PTPRF: variants seen among roughly 807,000 people sequenced by gnomAD.
PTPRF encodes receptor-type tyrosine-protein phosphatase F.
Under a neutral mutation model 201.8 loss-of-function variants are expected in PTPRF, and 59 were observed. That is an observed-to-expected ratio of 0.29 (90% CI 0.24 to 0.36). The LOEUF (loss-of-function observed/expected upper bound fraction) is 0.36. Ranked by LOEUF, PTPRF falls within the 10% of genes least tolerant of loss-of-function variation. The pLI is 1.00. For missense variants in PTPRF, 2,132 were observed against 2,690.5 expected (o/e 0.79, Z 4.59); for synonymous variants, 1,088 against 1,089.7 (o/e 1.00, Z 0.03).
At chr1:43,609,653 C>T (rs775545028) in intron 22 of PTPRF, among the ~76,000 whole-genome samples, 155 bp downstream of exon 22, 7 of 152,220 alleles carry the variant, frequency 4.6e-5, no homozygotes, top group Non-Finnish European at 7.3e-5. Context: ...TGTGCTCATC[C>T]ACTTTGGTTG....
At position 43,604,912 on chromosome 1, in the gene PTPRF, A is replaced by G. The variant is rs373189867; in HGVS notation, c.3047A>G (p.Lys1016Arg). ...RTMPVEQVFA[K>R]NFRVAAAMKT... ...CTCTATGCCTTTGCAGTGTTTGCCA[A>G]GAACTTCCGGGTGGCGGCTGCAATG... The change falls in exon 17 of 34, where the codon AAG becomes AGG. Residue 1016 changes from lysine to arginine, a missense_variant. Lys to Arg is a conservative substitution (Grantham distance 26). Transcript: ENST00000359947. 27 of 1,613,930 alleles carry G rather than the reference A, an allele frequency of 1.7e-5. No individual in the cohort carries two copies. Among genetic ancestry groups the G allele is most frequent in the Admixed American group, 5.0e-5 (3 of 60,012 alleles).
intron 5 of PTPRF, among the ~76,000 whole-genome samples, chr1:43,566,867 C>G (rs960362208): frequency 6.6e-6 from 1 of 152,172 alleles, no homozygotes; most frequent in Non-Finnish European, 1.5e-5. Context: ...GTTTTAGGCT[C>G]TGGCGGCAGT....
At chr1:43,620,429 T>TG in intron 30 of PTPRF, 25 bp from the exon 31 acceptor site, 1 of 1,597,702 alleles carries the variant, frequency 6.3e-7, no homozygotes, top group Non-Finnish European at 8.6e-7. Context: ...CACCTGATTA[T>TG]GGGGGCCCGA....
intron 7 of PTPRF, chr1:43,582,548 C>T (rs1254375049): frequency 1.4e-5 from 2 of 145,306 alleles, no homozygotes; most frequent in African/African-American, 5.3e-5. Flanking sequence ...GACTACCAGC[C>T]TTCCCCCTTT....
At chr1:43,618,448 T>C (rs1013549358) in intron 25 of PTPRF, among the ~76,000 whole-genome samples, 182 bp from the exon 26 acceptor site, 1 of 152,108 alleles carries the variant, frequency 6.6e-6, no homozygotes, top group Non-Finnish European at 1.5e-5. Flanking sequence ...GGCAGGGCGG[T>C]GACATAGCTT....
chr1:43,541,950 C>T (rs183500842), intron 2 of PTPRF, among the ~76,000 whole-genome samples: 2 of 152,316 alleles, frequency 1.3e-5, no homozygotes, highest in Admixed American at 6.5e-5. Context: ...AGCCCAGGCT[C>T]ACCCAGCCAT....
rs151243731 is a variant in PTPRF, at chr1:43,553,565, A to G, written c.165A>G (p.Gln55=). 4.5e-5 allele frequency: 72 copies of G among 1,614,182 alleles called. No homozygotes were observed. In the African/African-American group the frequency reaches 9.2e-4, roughly 21 times the overall value. Residue 55 remains glutamine (Q), a synonymous_variant, in exon 4 of 34, where the codon CAA becomes CAG. Transcript: ENST00000359947. The surrounding 1 kb of genome is among the most constrained non-coding windows in gnomAD (Gnocchi z 4.1). ...GAGGGGTAGCCTCCTTCGTGTGCCA[A>G]GCTACAGGAGAACCCAAGCCGCGCA... is the stretch of plus-strand genomic sequence containing the variant. ...LSGGVASFVC[Q]ATGEPKPRIT...
rs1220050094 is a variant in PTPRF at position 43,613,696 on chromosome 1, A to C, written c.4052A>C (p.Lys1351Thr). ...IERLKANDGL[K>T]FSQEYESIDP... ...CGCCTCAAAGCCAACGATGGCCTCA[A>C]GTTCTCCCAGGAGTATGAGGTGAGA... The change falls in exon 23 of 34, where the codon AAG (lysine) becomes ACG (threonine). Residue 1351 changes from lysine (K) to threonine (T), a missense_variant. Coordinates refer to ENST00000359947, the MANE Select transcript of PTPRF (RefSeq NM_002840.5). 10 of 1,613,932 alleles carry C rather than the reference A, an allele frequency of 6.2e-6. No individual in the cohort carries two copies. The highest frequency in any genetic ancestry group is 7.6e-6 in the Non-Finnish European group (9 of 1,179,918).
chr1:43,523,299 T>C (rs1215394170), upstream of PTPRF, among the ~76,000 whole-genome samples: 1 of 152,076 alleles, frequency 6.6e-6, no homozygotes, highest in African/African-American at 2.4e-5. Context: ...AGAGGTTCCC[T>C]GGGTAAGAGT....
chr1:43,600,993 G>T (rs1004063096), intron 13 of PTPRF, among the ~76,000 whole-genome samples: 1 of 152,180 alleles, frequency 6.6e-6, no homozygotes, highest in Admixed American at 6.5e-5. Flanking sequence ...AGACTGGAAG[G>T]GACGTGGGCC....
chr1:43,610,324 G>T (rs1385178882), intron 22 of PTPRF, among the ~76,000 whole-genome samples: 1 of 152,250 alleles, frequency 6.6e-6, no homozygotes, highest in Non-Finnish European at 1.5e-5. Context: ...CACAGGGTTT[G>T]TGTATGTATG....
intron 1 of PTPRF, among the ~76,000 whole-genome samples, chr1:43,535,042 A>G (rs1249667590): frequency 2.0e-5 from 3 of 152,158 alleles, no homozygotes; most frequent in Non-Finnish European, 4.4e-5. Flanking sequence ...ATCATCCTCA[A>G]CTGGGATGGT....
Position 43,603,327 on chromosome 1 carries a change from C to G in PTPRF, c.2341-89C>G, listed in dbSNP as rs1654243027. On this transcript the variant is annotated intron_variant, in intron 14 of 33. Transcript: ENST00000359947. The surrounding 1 kb of genome is among the most constrained non-coding windows in gnomAD (Gnocchi z 5.8). ...CCCTGGCCTTGTGTGCCCCGGGGCT[C>G]CCCTCAGGCTAGGGTCCTGAGGTCC... 1 of 1,179,940 alleles carries G rather than the reference C, an allele frequency of 8.5e-7. No individual in the cohort carries two copies. The highest frequency in any genetic ancestry group is 1.7e-5 in the Admixed American group (1 of 58,256). The allele number at this position is 1,179,940 out of a possible 1,614,324, so 73.1% of individuals were successfully genotyped here. A position where few individuals can be genotyped will look rare whatever the true frequency, so the allele number is the denominator to read the frequency against.
chr1:43,555,634 C>T (rs765981131), intron 5 of PTPRF, among the ~76,000 whole-genome samples: 4 of 151,892 alleles, frequency 2.6e-5, no homozygotes, highest in African/African-American at 4.8e-5. Flanking sequence ...TTAGTAAAGA[C>T]GGGGTTTCAC....
intron 2 of PTPRF, among the ~76,000 whole-genome samples, chr1:43,540,350 G>A (rs1390995993): frequency 2.0e-5 from 3 of 152,166 alleles, no homozygotes; most frequent in Non-Finnish European, 4.4e-5. Context: ...GGGGAAGATG[G>A]ATAGTGATGG....
chr1:43,569,827 G>A (rs375544244), intron 6 of PTPRF, 49 bp downstream of exon 6: 492 of 1,543,394 alleles, frequency 3.2e-4, no homozygotes, highest in Non-Finnish European at 2.0e-4. Context: ...CAGAACAAGC[G>A]TCTTGTCAGA....
In PTPRF at chr1:43,570,953, A is replaced by G. The variant is rs552943018; in HGVS notation, c.568+1175A>G. ...CGGTTCGGCTCCTCTGCATTTTCTC[A>G]TAGTTCCTCCAGGCAGGCTCCCCAA... On this transcript the variant is annotated intron_variant, in intron 6 of 33. Transcript: ENST00000359947. Among the ~76,000 whole-genome samples, 93 of 152,298 alleles carry G rather than the reference A, an allele frequency of 6.1e-4. 1 individual carries two copies. The South Asian group carries it at 8.3e-3, about 14-fold the overall frequency.
At chr1:43,522,578 C>T (rs1007958039), upstream of PTPRF, among the ~76,000 whole-genome samples, 10 of 152,174 alleles carry the variant, frequency 6.6e-5, no homozygotes, top group African/African-American at 2.2e-4. Flanking sequence ...TAAAGGAATG[C>T]TCTGGCAGAC....
chr1:43,601,738 C>T (rs1415937388), intron 13 of PTPRF, among the ~76,000 whole-genome samples: 1 of 152,202 alleles, frequency 6.6e-6, no homozygotes, highest in Non-Finnish European at 1.5e-5. Flanking sequence ...TGTCTGGCAG[C>T]CTCTCCCTCC....
Sources: gnomAD v4.1 joint callset for allele counts (sites outside exome capture counted in the v4.1 genomes callset) on GRCh38, gnomAD v4.1.1 for gene constraint, Gnocchi (gnomAD v3.1) non-coding constraint, MANE v1.5 for transcripts, NCBI Gene and HGNC (gene_info 2026-07-23, HGNC 2026-07-21) for gene names.